DNAJC17: variants seen among roughly 807,000 people sequenced by gnomAD.
The protein encoded by DNAJC17 is dnaJ homolog subfamily C member 17.
In DNAJC17, 35 loss-of-function variants were observed where a neutral mutation model predicts 48.1. The ratio of observed to expected loss-of-function variants is 0.73; its 90% CI spans 0.56 to 0.96. DNAJC17 has a LOEUF of 0.96. Among genes scored for constraint, DNAJC17 ranks in the 50% least tolerant of loss-of-function variants. The pLI, the probability that DNAJC17 is intolerant of heterozygous loss-of-function variation, is 0.00. For missense variants in DNAJC17, 355 were observed against 377.1 expected (o/e 0.94, Z 0.48); for synonymous variants, 117 against 142.7 (o/e 0.82, Z 1.28).
At chr15:40,776,660 G>C (rs1374782430) in intron 4 of DNAJC17, 33 bp from the exon 5 acceptor site, 1 of 1,611,276 alleles carries the variant, frequency 6.2e-7, no homozygotes, top group Non-Finnish European at 8.5e-7. Flanking sequence ...CAGACTGCTG[G>C]TCTGTTCAGT....
chr15:40,790,816 T>A (rs1889779124), intron 1 of DNAJC17, among the ~76,000 whole-genome samples: 2 of 152,166 alleles, frequency 1.3e-5, no homozygotes, highest in African/African-American at 2.4e-5. Context: ...GCTTACAGCT[T>A]ACAAACACAA....
Position 40,767,465 on chromosome 15 carries a change from C to A in DNAJC17, c.*475G>T, listed in dbSNP as rs985303127. 39 of 1,212,702 alleles carry A rather than the reference C, an allele frequency of 3.2e-5. No individual in the cohort carries two copies. Among genetic ancestry groups the A allele is most frequent in the Admixed American group, 5.6e-5 (2 of 35,642 alleles). The allele number at this position is 1,212,702 out of a possible 1,614,324, so 75.1% of individuals were successfully genotyped here. Reference sequence around the variant, plus strand: ...CTCCTCTCTTCCCAAATCATCACCGCCATGGGCCCAGCCCCAAAGGGCAGT... The same window carrying A: ...CTCCTCTCTTCCCAAATCATCACCGACATGGGCCCAGCCCCAAAGGGCAGT... On this transcript the variant is annotated 3_prime_UTR_variant, in exon 11 of 11. Coordinates refer to ENST00000220496, the MANE Select transcript of DNAJC17 (RefSeq NM_018163.3).
intron 1 of DNAJC17, among the ~76,000 whole-genome samples, chr15:40,805,253 G>A (rs1890172938): frequency 6.6e-6 from 1 of 151,464 alleles, no homozygotes; most frequent in African/African-American, 2.4e-5. Context: ...GCGGGTGCCT[G>A]TAATCCCAGC....
chr15:40,771,421 C>T (rs1237921619), intron 10 of DNAJC17: 1 of 251,034 alleles, frequency 4.0e-6, no homozygotes, highest in Admixed American at 5.1e-5. Flanking sequence ...AGGACACAGA[C>T]TGAGCAGAAG....
In DNAJC17 at chr15:40,767,563, G is replaced by A. The variant is rs949868004; in HGVS notation, c.*377C>T. On this transcript the variant is annotated 3_prime_UTR_variant, in exon 11 of 11. Coordinates refer to ENST00000220496, the MANE Select transcript of DNAJC17 (RefSeq NM_018163.3). ...GCCCGGTGCCCTGGTGCTCCCAGCT[G>A]CCCTCCTGCTTCGGGCCTGGGCCGA... 8.1e-6 allele frequency: 5 copies of A among 616,308 alleles called. No individual in the cohort carries two copies. The highest frequency in any genetic ancestry group is 1.3e-5 in the Non-Finnish European group (5 of 376,252). The allele number at this position is 616,308 out of a possible 1,614,324, so 38.2% of individuals were successfully genotyped here. A position where few individuals can be genotyped will look rare whatever the true frequency, so the allele number is the denominator to read the frequency against.
intron 1 of DNAJC17, among the ~76,000 whole-genome samples, chr15:40,805,375 CAAAAAAAAAAA>C (rs559577744): frequency 1.9e-5 from 2 of 107,894 alleles, no homozygotes; most frequent in East Asian, 5.8e-4. Flanking sequence ...TACTCTGTCT[CAAAAAAAAAAA>C]AAAAAAAAAA....
chr15:40,788,037 GACA>G (rs1420049667), intron 1 of DNAJC17, among the ~76,000 whole-genome samples: 2 of 152,262 alleles, frequency 1.3e-5, no homozygotes, highest in Admixed American at 6.5e-5. Flanking sequence ...AGCTCTATGT[GACA>G]ACAAGCACTG....
Position 40,766,165 on chromosome 15 carries a change from T to G in DNAJC17, c.*1775A>C. On this transcript the variant is annotated 3_prime_UTR_variant, in exon 11 of 11. Coordinates refer to ENST00000220496, the MANE Select transcript of DNAJC17 (RefSeq NM_018163.3). Reference sequence around the variant, plus strand: ...ACTGGAACCGCAGAAACAGAGTCCGTTCCCTGGGTCTAGGACTCCACTAGC... The same window carrying G: ...ACTGGAACCGCAGAAACAGAGTCCGGTCCCTGGGTCTAGGACTCCACTAGC... 3.0e-6 allele frequency: 1 copy of G among 336,516 alleles called. No homozygotes were observed. Among genetic ancestry groups the G allele is most frequent in the Non-Finnish European group, 5.5e-6 (1 of 182,706 alleles). 20.8% of individuals were successfully genotyped at this position (336,516 alleles called of 1,614,324 possible).
At chr15:40,799,099 C>A (rs1890010432) in intron 1 of DNAJC17, among the ~76,000 whole-genome samples, 1 of 151,814 alleles carries the variant, frequency 6.6e-6, no homozygotes, top group South Asian at 2.1e-4. Context: ...GTGGCGGGCG[C>A]CTGTAGTCCC....
chr15:40,807,150 C>A (rs1890258484), intron 1 of DNAJC17: 4 of 1,191,186 alleles, frequency 3.4e-6, no homozygotes, highest in Non-Finnish European at 4.6e-6. Context: ...AGCACAGCCA[C>A]CCGGCGCGAA....
In DNAJC17 at chr15:40,765,587, T is replaced by A. The variant is rs908615205; in HGVS notation, c.*2353A>T. 2 of 332,814 alleles carry A rather than the reference T, an allele frequency of 6.0e-6. No individual in the cohort carries two copies. The highest frequency in any genetic ancestry group is 4.5e-5 in the East Asian group (1 of 22,096). The allele number at this position is 332,814 out of a possible 1,614,324, so 20.6% of individuals were successfully genotyped here. A position where few individuals can be genotyped will look rare whatever the true frequency, so the allele number is the denominator to read the frequency against. ...AGTAGCTGGAACTATAGGCTCGTGATACTTTGCCTGGCTAAAGCTGAGCTT... is the reference window on the plus strand; with the variant it reads ...AGTAGCTGGAACTATAGGCTCGTGAAACTTTGCCTGGCTAAAGCTGAGCTT... On this transcript the variant is annotated 3_prime_UTR_variant, in exon 11 of 11. Transcript: ENST00000220496.
chr15:40,782,148 C>T (rs888002080), intron 1 of DNAJC17, among the ~76,000 whole-genome samples: 28 of 151,868 alleles, frequency 1.8e-4, no homozygotes, highest in Admixed American at 4.6e-4. Context: ...CACTGGAGCC[C>T]GGGAGGTTGA....
chr15:40,784,915 T>C (rs954327710), intron 1 of DNAJC17, among the ~76,000 whole-genome samples: 3 of 152,074 alleles, frequency 2.0e-5, no homozygotes, highest in Non-Finnish European at 4.4e-5. Flanking sequence ...TTGGCCAACA[T>C]GGTGAAACCC....
At chr15:40,768,147 T>C in intron 10 of DNAJC17, 85 bp from the exon 11 acceptor site, 1 of 1,439,820 alleles carries the variant, frequency 6.9e-7, no homozygotes, top group Non-Finnish European at 9.1e-7. Flanking sequence ...GAGGCAGTGC[T>C]GCGTTCTAAG....
intron 1 of DNAJC17, among the ~76,000 whole-genome samples, chr15:40,788,741 G>A (rs958760217): frequency 2.6e-5 from 4 of 151,998 alleles, no homozygotes; most frequent in African/African-American, 7.2e-5. Context: ...CAGGCATGGT[G>A]GCATGCACCT....
chr15:40,766,622 C>T lies in DNAJC17; in HGVS notation c.*1318G>A, dbSNP rs1476665329. On this transcript the variant is annotated 3_prime_UTR_variant, in exon 11 of 11. Coordinates refer to ENST00000220496, the MANE Select transcript of DNAJC17 (RefSeq NM_018163.3). ...TCCATGCCCAGCTTGGGGCTTGAGC[C>T]CTTTGTCTGCTTCATGGTCTTTCAG... The T allele has an allele frequency of 6.6e-6, 1 of 152,326 alleles. No individual in the cohort carries two copies. The highest frequency in any genetic ancestry group is 2.4e-5 in the African/African-American group (1 of 41,470). 9.4% of individuals were successfully genotyped at this position (152,326 alleles called of 1,614,324 possible).
At position 40,770,380 on chromosome 15, in the gene DNAJC17, C is replaced by G; in HGVS notation, c.793-2318G>C. The G allele has an allele frequency of 9.9e-7, 1 of 1,013,474 alleles. No individual in the cohort carries two copies. Among genetic ancestry groups the G allele is most frequent in the Middle Eastern group, 3.2e-4 (1 of 3,126 alleles). The allele number at this position is 1,013,474 out of a possible 1,614,324, so 62.8% of individuals were successfully genotyped here. Reference sequence around the variant, plus strand: ...TCAAAGGTCTGTGCTGAGTGGAAACCCTGAGGCCTCTGCTCCTAGGGGAGC... The same window carrying G: ...TCAAAGGTCTGTGCTGAGTGGAAACGCTGAGGCCTCTGCTCCTAGGGGAGC... On this transcript the variant is annotated intron_variant, in intron 10 of 10. Coordinates refer to ENST00000220496, the MANE Select transcript of DNAJC17 (RefSeq NM_018163.3). This position sits in a 1 kb window ranked among gnomAD's most constrained non-coding sequence, Gnocchi z 5.0.
In DNAJC17 at chr15:40,770,866, C is replaced by G. The variant is rs1469995787; in HGVS notation, c.793-2804G>C. On this transcript the variant is annotated intron_variant, in intron 10 of 10. Transcript: ENST00000220496. The surrounding 1 kb of genome is among the most constrained non-coding windows in gnomAD (Gnocchi z 5.0). ...CTGTCGAGTGCCCTCCACCAGCACT[C>G]AGAGAAGGGCCTTGTGGACACTCCC... is the stretch of plus-strand genomic sequence containing the variant. The G allele has an allele frequency of 6.4e-7, 1 of 1,551,436 alleles. No homozygotes were observed. Among genetic ancestry groups the G allele is most frequent in the African/African-American group, 1.4e-5 (1 of 73,066 alleles).
chr15:40,767,853 T>A lies in DNAJC17; in HGVS notation c.*87A>T. The A allele has an allele frequency of 1.3e-6, 2 of 1,554,604 alleles. No homozygotes were observed. The highest frequency in any genetic ancestry group is 2.4e-5 in the South Asian group (2 of 83,296). ...GAGCCCAGCACCTTATACCTATGTA[T>A]GGGATAGAGGTAAAATCTTAAAAAA... On this transcript the variant is annotated 3_prime_UTR_variant, in exon 11 of 11. Transcript: ENST00000220496.
Sources: gnomAD v4.1 joint callset for allele counts (sites outside exome capture counted in the v4.1 genomes callset) on GRCh38, gnomAD v4.1.1 for gene constraint, Gnocchi (gnomAD v3.1) non-coding constraint, MANE v1.5 for transcripts, NCBI Gene and HGNC (gene_info 2026-07-23, HGNC 2026-07-21) for gene names.